The following SLC22A15 variants were observed in gnomAD, a reference collection of about 807,000 sequenced individuals.
SLC22A15 encodes the protein solute carrier family 22 member 15, also known as flipt 1.
SLC22A15 carries 45 observed loss-of-function variants against 62.7 expected under a neutral mutation model. That is an observed-to-expected ratio of 0.72 (90% confidence interval 0.56 to 0.92). The LOEUF (loss-of-function observed/expected upper bound fraction) is 0.92. Among genes scored for constraint, SLC22A15 ranks in the 40% least tolerant of loss-of-function variants. The pLI is 0.00. For synonymous variants in SLC22A15, 264 were observed against 267.0 expected (o/e 0.99, Z 0.11); for missense variants, 622 against 665.6 (o/e 0.93, Z 0.72).
At chr1:115,978,936 A>AG (rs1262903966) in intron 1 of SLC22A15, among the ~76,000 whole-genome samples, 1 of 152,102 alleles carries the variant, frequency 6.6e-6, no homozygotes, top group Non-Finnish European at 1.5e-5. Flanking sequence ...TGCCCAAGGA[A>AG]GGGGCAGACC....
rs560714428 is a variant in SLC22A15 at position 116,047,468 on chromosome 1, C to T, written c.1171+10080C>T. 3.7e-4 allele frequency among the ~76,000 whole-genome samples: 57 copies of T among 152,240 alleles called. 2 individuals carry two copies. The South Asian group carries it at 9.3e-3, about 25-fold the overall frequency. On this transcript the variant is annotated intron_variant, in intron 8 of 11. Transcript: ENST00000369503. Reference sequence around the variant, plus strand: ...TCCCCACAAAAGCTAAGAACCCTCACGGAGTCCATTGCACCCTCCTGGCAC... The same window carrying T: ...TCCCCACAAAAGCTAAGAACCCTCATGGAGTCCATTGCACCCTCCTGGCAC...
At chr1:116,043,721 T>C (rs1363468425) in intron 8 of SLC22A15, among the ~76,000 whole-genome samples, 1 of 151,568 alleles carries the variant, frequency 6.6e-6, no homozygotes, top group African/African-American at 2.4e-5. Flanking sequence ...CTAACCAAGA[T>C]AATAAAGAGA....
intron 9 of SLC22A15, among the ~76,000 whole-genome samples, chr1:116,064,064 T>A (rs1658442270): frequency 6.6e-6 from 1 of 152,162 alleles, no homozygotes; most frequent in South Asian, 2.1e-4. Flanking sequence ...AACTTAAAAA[T>A]ATTCAAATGC....
intron 8 of SLC22A15, among the ~76,000 whole-genome samples, chr1:116,050,144 T>G (rs1357930720): frequency 6.6e-6 from 1 of 152,064 alleles, no homozygotes; most frequent in Non-Finnish European, 1.5e-5. Flanking sequence ...CCAGACAGAT[T>G]TACAGCAGAA....
chr1:116,048,173 A>T (rs1195222202), intron 8 of SLC22A15, among the ~76,000 whole-genome samples: 1 of 152,224 alleles, frequency 6.6e-6, no homozygotes, highest in African/African-American at 2.4e-5. Flanking sequence ...GGATTAATCA[A>T]GGAAAACTTC....
chr1:116,038,518 G>C (rs1270819402), intron 8 of SLC22A15, among the ~76,000 whole-genome samples: 1 of 152,144 alleles, frequency 6.6e-6, no homozygotes, highest in Non-Finnish European at 1.5e-5. Flanking sequence ...CCAATACTTA[G>C]AACAGCTTTA....
chr1:116,057,372 A>C (rs1399944465), intron 8 of SLC22A15, among the ~76,000 whole-genome samples: 1 of 151,872 alleles, frequency 6.6e-6, no homozygotes, highest in African/African-American at 2.4e-5. Context: ...ATCTCACACC[A>C]GTTAGAATGG....
At chr1:116,060,279 C>T (rs1658346675) in intron 8 of SLC22A15, among the ~76,000 whole-genome samples, 1 of 152,202 alleles carries the variant, frequency 6.6e-6, no homozygotes, top group African/African-American at 2.4e-5. Flanking sequence ...ATGGCAACTG[C>T]AGACCCCATT....
intron 7 of SLC22A15, among the ~76,000 whole-genome samples, chr1:116,036,746 T>C (rs935323367): frequency 3.9e-5 from 6 of 152,222 alleles, no homozygotes; most frequent in Admixed American, 3.9e-4. Flanking sequence ...ATTTGAAAAT[T>C]GCTTCTTTCA....
intron 1 of SLC22A15, among the ~76,000 whole-genome samples, chr1:115,989,746 A>G (rs1372997653): frequency 6.6e-6 from 1 of 150,954 alleles, no homozygotes; most frequent in African/African-American, 2.4e-5. Flanking sequence ...GCACCATTGT[A>G]CTCCAGCCTG....
chr1:115,993,114 G>A (rs1655236341), intron 2 of SLC22A15, among the ~76,000 whole-genome samples: 1 of 152,140 alleles, frequency 6.6e-6, no homozygotes, highest in Admixed American at 6.5e-5. Flanking sequence ...ATGGTCTGGT[G>A]AAGAGAAACC....
At chr1:116,003,057 C>G (rs1050015424) in intron 2 of SLC22A15, among the ~76,000 whole-genome samples, 6 of 152,114 alleles carry the variant, frequency 3.9e-5, no homozygotes, top group African/African-American at 1.4e-4. Flanking sequence ...GCTGTTTAAC[C>G]AGCAGGTGGT....
intron 2 of SLC22A15, among the ~76,000 whole-genome samples, chr1:116,012,601 T>TA (rs1557885748): frequency 6.6e-6 from 1 of 152,198 alleles, no homozygotes; most frequent in Non-Finnish European, 1.5e-5. Flanking sequence ...ACAAGTCAAT[T>TA]AAAAAATGGA....
At chr1:116,056,894 C>G (rs1366209713) in intron 8 of SLC22A15, among the ~76,000 whole-genome samples, 2 of 152,032 alleles carry the variant, frequency 1.3e-5, no homozygotes, top group Admixed American at 6.5e-5. Context: ...ACACCTTATA[C>G]AAAAATTAAT....
At chr1:116,039,851 T>C (rs899463680) in intron 8 of SLC22A15, among the ~76,000 whole-genome samples, 5 of 152,216 alleles carry the variant, frequency 3.3e-5, no homozygotes, top group African/African-American at 1.2e-4. Flanking sequence ...GTTGACTTTT[T>C]TTTATCTCAA....
chr1:116,001,063 T>C (rs1655707168), intron 2 of SLC22A15, among the ~76,000 whole-genome samples: 2 of 152,224 alleles, frequency 1.3e-5, no homozygotes, highest in Non-Finnish European at 2.9e-5. Flanking sequence ...ATGTCTTTAT[T>C]TCTCTTTTAT....
intron 5 of SLC22A15, among the ~76,000 whole-genome samples, chr1:116,028,885 A>G (rs1005899945): frequency 6.6e-6 from 1 of 152,154 alleles, no homozygotes; most frequent in Non-Finnish European, 1.5e-5. Context: ...ATTTTCTCAA[A>G]TGCCGTCCAC....
chr1:116,003,855 T>C (rs2101155574), intron 2 of SLC22A15, among the ~76,000 whole-genome samples: 1 of 152,352 alleles, frequency 6.6e-6, no homozygotes, highest in Middle Eastern at 3.4e-3. Context: ...CCCAAAGAGC[T>C]GATGTTTATG....
At chr1:116,039,719 A>G (rs907933755) in intron 8 of SLC22A15, among the ~76,000 whole-genome samples, 8 of 152,244 alleles carry the variant, frequency 5.3e-5, no homozygotes, top group Middle Eastern at 3.4e-3. Flanking sequence ...CCTTTTTTGT[A>G]TAATCCTTTC....
Sources: allele counts gnomAD v4.1 joint callset (sites outside exome capture counted in the v4.1 genomes callset), GRCh38; gene constraint gnomAD v4.1.1; transcripts MANE v1.5; gene names NCBI Gene and HGNC (gene_info 2026-07-23, HGNC 2026-07-21).